The following ADAMTS17 variants were observed in gnomAD, a reference collection of about 807,000 sequenced individuals.
ADAMTS17 encodes ADAM metallopeptidase with thrombospondin type 1 motif 17.
ADAMTS17 carries 113 observed loss-of-function variants against 141.5 expected under a neutral mutation model. The ratio of observed to expected loss-of-function variants is 0.80; its 90% CI spans 0.69 to 0.93. The LOEUF (loss-of-function observed/expected upper bound fraction) is 0.93, where lower values mean the gene tolerates loss of function less well. Among genes scored for constraint, ADAMTS17 ranks in the 40% least tolerant of loss-of-function variants. ADAMTS17 has a pLI of 0.00. For synonymous variants in ADAMTS17, 768 were observed against 630.6 expected, an observed-to-expected ratio of 1.22 and a Z score of -3.27; for missense variants, 1,659 against 1,517.9, an observed-to-expected ratio of 1.09 and a Z score of -1.54.
At chr15:100,105,774 A>G (rs1320223972) in intron 14 of ADAMTS17, among the ~76,000 whole-genome samples, 7 of 151,894 alleles carry the variant, frequency 4.6e-5, no homozygotes, top group African/African-American at 1.7e-4. Flanking sequence ...TGCATCCTCC[A>G]CTTCCCAGGT....
At chr15:100,243,387 A>T in intron 7 of ADAMTS17, among the ~76,000 whole-genome samples, 1 of 152,244 alleles carries the variant, frequency 6.6e-6, no homozygotes, top group East Asian at 1.9e-4. Flanking sequence ...TTGAGAAACT[A>T]CCATACTGTT....
intron 3 of ADAMTS17, among the ~76,000 whole-genome samples, chr15:100,316,118 T>G (rs954318536): frequency 3.3e-5 from 5 of 152,222 alleles, no homozygotes; most frequent in African/African-American, 1.2e-4. Context: ...AGTAACAAAC[T>G]TTCTTAAGTT....
At chr15:100,080,733 A>G (rs2034678546) in intron 15 of ADAMTS17, among the ~76,000 whole-genome samples, 1 of 152,228 alleles carries the variant, frequency 6.6e-6, no homozygotes, top group East Asian at 1.9e-4. Context: ...TTGTACTAAG[A>G]AAGTATATTT....
chr15:100,315,155 G>A (rs994868507), intron 3 of ADAMTS17, among the ~76,000 whole-genome samples: 3 of 152,202 alleles, frequency 2.0e-5, no homozygotes, highest in Admixed American at 6.5e-5. Flanking sequence ...GCTGGAGGCC[G>A]GGAGGCAGGC....
Position 100,324,024 on chromosome 15 carries a change from C to CAAAAA in ADAMTS17, c.616+6860_616+6864dup, listed in dbSNP as rs35999702. On this transcript the variant is annotated intron_variant, in intron 3 of 21. Coordinates refer to ENST00000268070, the MANE Select transcript of ADAMTS17 (RefSeq NM_139057.4). ...CACATCCGTAAACGTTCCTTTCTCT[C>CAAAAA]AAAAAAAAAAAAAAAAGAAGAAAGC... is the stretch of plus-strand genomic sequence containing the variant. Among the ~76,000 whole-genome samples the CAAAAA allele has an allele frequency of 1.7e-4, 22 of 133,156 alleles. No homozygotes were observed. In the East Asian group the frequency reaches 3.9e-3, roughly 24 times the overall value. The allele number at this position is 133,156 out of a possible 152,430, so 87.4% of individuals were successfully genotyped here.
chr15:100,021,639 G>C (rs558382335), intron 18 of ADAMTS17, among the ~76,000 whole-genome samples: 2 of 152,270 alleles, frequency 1.3e-5, no homozygotes, highest in South Asian at 2.1e-4. Context: ...CATTCGTTCA[G>C]TCCACGCTCC....
chr15:100,153,416 G>A (rs1381468081), intron 9 of ADAMTS17, among the ~76,000 whole-genome samples: 7 of 151,698 alleles, frequency 4.6e-5, no homozygotes, highest in Non-Finnish European at 8.8e-5. Context: ...TGAGGTGGGT[G>A]GATCACTTGA....
At chr15:100,081,084 G>A (rs777648800) in intron 15 of ADAMTS17, among the ~76,000 whole-genome samples, 9 of 152,180 alleles carry the variant, frequency 5.9e-5, no homozygotes, top group Non-Finnish European at 8.8e-5. Flanking sequence ...TCAGGGGGCT[G>A]GGGAAGGCAG....
chr15:100,216,946 G>C (rs2041987553), intron 7 of ADAMTS17, among the ~76,000 whole-genome samples: 1 of 152,164 alleles, frequency 6.6e-6, no homozygotes, highest in Admixed American at 6.5e-5. Context: ...GTGCCTTCCT[G>C]CTCTAGACTT....
At chr15:100,156,850 A>G (rs909439781) in intron 8 of ADAMTS17, among the ~76,000 whole-genome samples, 5 of 152,240 alleles carry the variant, frequency 3.3e-5, no homozygotes, top group African/African-American at 1.2e-4. Flanking sequence ...CATATAAAAG[A>G]AACTAGATTC....
intron 14 of ADAMTS17, among the ~76,000 whole-genome samples, chr15:100,098,187 T>C (rs2035878080): frequency 2.6e-5 from 4 of 152,022 alleles, no homozygotes; most frequent in Admixed American, 1.3e-4. Flanking sequence ...AAGACACATA[T>C]GGTAACTGGC....
chr15:100,121,126 G>C (rs529361701), intron 12 of ADAMTS17, among the ~76,000 whole-genome samples: 1 of 152,284 alleles, frequency 6.6e-6, no homozygotes, highest in African/African-American at 2.4e-5. Flanking sequence ...GAAAGAATTA[G>C]CAAACTTGAA....
At chr15:100,007,273 A>G (rs2061054369) in intron 18 of ADAMTS17, among the ~76,000 whole-genome samples, 1 of 152,090 alleles carries the variant, frequency 6.6e-6, no homozygotes, top group African/African-American at 2.4e-5. Flanking sequence ...GCAACTGACA[A>G]GTCTGGGATG....
chr15:100,085,776 T>C (rs13380115), intron 15 of ADAMTS17, among the ~76,000 whole-genome samples: 45,080 of 145,250 alleles, frequency 0.31, 9,119 homozygotes, highest in East Asian at 0.57. Flanking sequence ...AAATAAAATA[T>C]TATACAGACA....
At chr15:100,160,227 G>A (rs909280493) in intron 8 of ADAMTS17, among the ~76,000 whole-genome samples, 1 of 152,222 alleles carries the variant, frequency 6.6e-6, no homozygotes, top group African/African-American at 2.4e-5. Context: ...GCCAGGATCA[G>A]AGGCATCTCC....
At chr15:100,075,391 T>C (rs929409165) in intron 15 of ADAMTS17, among the ~76,000 whole-genome samples, 33 of 152,312 alleles carry the variant, frequency 2.2e-4, no homozygotes, top group African/African-American at 7.2e-4. Flanking sequence ...TTCTGAAATA[T>C]GATACTGTAC....
rs748952107 is a variant in ADAMTS17, at chr15:100,051,656, G to A, written c.2371C>T (p.Gln791Ter). The A allele has an allele frequency of 3.1e-6, 5 of 1,614,084 alleles. No individual in the cohort carries two copies. The highest frequency in any genetic ancestry group is 4.2e-6 in the Non-Finnish European group (5 of 1,180,058). ...TVPVNRTAEN[Q>*]SEPEKPQDSL... ...TCCTGCGGTTTTTCTGGTTCGCTTTGATTTTCCGCAGTGCGGTTTACAGGA... is the reference window on the plus strand; with the variant it reads ...TCCTGCGGTTTTTCTGGTTCGCTTTAATTTTCCGCAGTGCGGTTTACAGGA... Residue 791 changes from glutamine to a stop codon, truncating the protein, a stop_gained, in exon 17 of 22, where the codon CAA becomes TAA. Coordinates refer to ENST00000268070, the MANE Select transcript of ADAMTS17 (RefSeq NM_139057.4). LOFTEE classifies it high-confidence loss of function.
At chr15:100,048,506 C>T (rs1045034290) in intron 18 of ADAMTS17, among the ~76,000 whole-genome samples, 3 of 151,688 alleles carry the variant, frequency 2.0e-5, no homozygotes, top group African/African-American at 7.3e-5. Context: ...CTCCTGGGCA[C>T]TCAGACTCCA....
chr15:100,108,586 C>A lies in ADAMTS17; in HGVS notation c.2016+403G>T, dbSNP rs920289989. 1.2e-4 allele frequency among the ~76,000 whole-genome samples: 18 copies of A among 152,328 alleles called. No homozygotes were observed. In the East Asian group the frequency reaches 2.3e-3, roughly 20 times the overall value. On this transcript the variant is annotated intron_variant, in intron 14 of 21. Transcript: ENST00000268070. ...AGATGGATGCTCCCTGACAGCTGGG[C>A]GCACCTATCTGCCTGGCGTGACCTG...
Sources: gnomAD v4.1 joint callset for allele counts (sites outside exome capture counted in the v4.1 genomes callset) on GRCh38, gnomAD v4.1.1 for gene constraint, MANE v1.5 for transcripts, NCBI Gene and HGNC (gene_info 2026-07-23, HGNC 2026-07-21) for gene names.